The following PCED1B variants were observed in gnomAD, a reference collection of about 807,000 sequenced individuals.
PCED1B encodes PC-esterase domain containing 1B, also known as PC-esterase domain-containing protein 1B.
For missense variants in PCED1B, 573 were observed against 573.9 expected (o/e 1.00, Z 0.02); for synonymous variants, 251 against 246.1 (o/e 1.02, Z -0.19).
In PCED1B at chr12:47,146,998, C is replaced by CTTTTTTTTTTTT. The variant is rs59400736; in HGVS notation, c.-526+42812_-526+42823dup. Among the ~76,000 whole-genome samples, 5 of 99,000 alleles carry CTTTTTTTTTTTT rather than the reference C, an allele frequency of 5.1e-5. 1 individual carries two copies. The highest frequency in any genetic ancestry group is 9.6e-5 in the Non-Finnish European group (5 of 52,274). 64.9% of individuals were successfully genotyped at this position (99,000 alleles called of 152,430 possible). A position where few individuals can be genotyped will look rare whatever the true frequency, so the allele number is the denominator to read the frequency against. On this transcript the variant is annotated intron_variant, in intron 2 of 3. Transcript: ENST00000546455. The stretch of plus-strand genomic sequence containing the variant: ...TCTTTAGATATCCTAGTTCATTGCT[C>CTTTTTTTTTTTT]TTTTTTTTTTTTTTTTTTTTGAGAT...
intron 2 of PCED1B, among the ~76,000 whole-genome samples, chr12:47,206,752 C>A (rs11183797): frequency 7.0e-6 from 1 of 143,852 alleles, no homozygotes; most frequent in Non-Finnish European, 1.6e-5. Context: ...ACCCCGCCCC[C>A]GCAACAAAAA....
At chr12:47,218,165 G>A (rs776920994) in intron 3 of PCED1B, among the ~76,000 whole-genome samples, 3 of 152,198 alleles carry the variant, frequency 2.0e-5, no homozygotes, top group Non-Finnish European at 2.9e-5. Flanking sequence ...TTTGGAGCTG[G>A]AGGAGAAGAG....
At chr12:47,136,074 T>C (rs1419124972) in intron 2 of PCED1B, 1 of 124,366 alleles carries the variant, frequency 8.0e-6, no homozygotes, top group African/African-American at 3.1e-5. Context: ...TACTCACCAT[T>C]CAATTTCTTT....
intron 2 of PCED1B, among the ~76,000 whole-genome samples, chr12:47,211,665 A>AAG (rs1943085738): frequency 6.7e-6 from 1 of 150,124 alleles, no homozygotes; most frequent in South Asian, 2.1e-4. Flanking sequence ...AAAAAAAAAA[A>AAG]AAAAAAAAAA....
chr12:47,146,762 TTCA>T (rs1158990924), intron 2 of PCED1B, among the ~76,000 whole-genome samples: 2 of 152,212 alleles, frequency 1.3e-5, no homozygotes, highest in Non-Finnish European at 2.9e-5. Context: ...AACCCAAAAA[TTCA>T]TACGATTTAC....
intron 2 of PCED1B, among the ~76,000 whole-genome samples, chr12:47,131,674 T>C (rs1565767286): frequency 1.7e-5 from 2 of 115,558 alleles, no homozygotes; most frequent in South Asian, 5.1e-4. Context: ...GTTTTACTTC[T>C]TTTTTTTTTT....
At chr12:47,099,448 C>T (rs1049069871) in intron 1 of PCED1B, among the ~76,000 whole-genome samples, 4 of 152,290 alleles carry the variant, frequency 2.6e-5, no homozygotes, top group Admixed American at 2.6e-4. Context: ...GGGATCGTCT[C>T]CACTGTGGTT....
intron 2 of PCED1B, among the ~76,000 whole-genome samples, chr12:47,141,991 T>G (rs1940610840): frequency 6.6e-6 from 1 of 152,056 alleles, no homozygotes; most frequent in Non-Finnish European, 1.5e-5. Context: ...TTTTAGTCCC[T>G]CTCTTCTGCC....
chr12:47,221,875 G>A (rs1354882498), intron 3 of PCED1B, among the ~76,000 whole-genome samples: 1 of 152,026 alleles, frequency 6.6e-6, no homozygotes, highest in Admixed American at 6.6e-5. Flanking sequence ...GCCAAGGCAG[G>A]AGGTTTACTT....
At chr12:47,227,361 G>A (rs1943663924) in intron 3 of PCED1B, among the ~76,000 whole-genome samples, 1 of 151,762 alleles carries the variant, frequency 6.6e-6, no homozygotes, top group African/African-American at 2.4e-5. Flanking sequence ...TGTAGAGAGG[G>A]GGGCTTTCAG....
intron 2 of PCED1B, among the ~76,000 whole-genome samples, chr12:47,213,260 T>A (rs1943149172): frequency 6.6e-6 from 1 of 152,198 alleles, no homozygotes; most frequent in Admixed American, 6.5e-5. Flanking sequence ...CGTACCCTAA[T>A]AGAAACAAAT....
chr12:47,195,316 G>A (rs1014559931), intron 2 of PCED1B, among the ~76,000 whole-genome samples: 12 of 141,984 alleles, frequency 8.5e-5, no homozygotes, highest in Non-Finnish European at 1.4e-4. Flanking sequence ...GCGATGGAGC[G>A]AGTCTCTGTC....
At chr12:47,188,186 A>G (rs1339967446) in intron 2 of PCED1B, among the ~76,000 whole-genome samples, 3 of 152,082 alleles carry the variant, frequency 2.0e-5, no homozygotes, top group African/African-American at 4.8e-5. Context: ...ATCTTGCCTT[A>G]GTTGTCTTTG....
chr12:47,234,149 C>G (rs1943897893), intron 3 of PCED1B, among the ~76,000 whole-genome samples: 2 of 152,092 alleles, frequency 1.3e-5, no homozygotes, highest in Admixed American at 6.5e-5. Flanking sequence ...CCACCACGCC[C>G]GGCTAATTTT....
At chr12:47,083,908 C>G (rs1203677259) in intron 1 of PCED1B, among the ~76,000 whole-genome samples, 2 of 152,124 alleles carry the variant, frequency 1.3e-5, no homozygotes, top group East Asian at 3.8e-4. Flanking sequence ...ATAGGCCGGA[C>G]AGTTTTTTGT....
intron 2 of PCED1B, among the ~76,000 whole-genome samples, chr12:47,131,793 C>G (rs552205447): frequency 2.6e-5 from 4 of 151,702 alleles, no homozygotes; most frequent in Non-Finnish European, 4.4e-5. Flanking sequence ...CTCAGCCTCC[C>G]GAGTAGCTGG....
At chr12:47,202,594 T>TAAAAAAA (rs60769675) in intron 2 of PCED1B, among the ~76,000 whole-genome samples, 1,300 of 64,036 alleles carry the variant, frequency 0.02, no homozygotes, top group Non-Finnish European at 0.027. Flanking sequence ...TAGACATTAG[T>TAAAAAAA]AAAAAAAAAA....
intron 2 of PCED1B, among the ~76,000 whole-genome samples, chr12:47,113,410 AT>A (rs552117512): frequency 2.3e-4 from 35 of 152,118 alleles, no homozygotes; most frequent in Non-Finnish European, 4.0e-4. Flanking sequence ...ATGATGAGGC[AT>A]TTTTTACTCC....
chr12:47,097,775 T>C (rs1938540600), intron 1 of PCED1B, among the ~76,000 whole-genome samples: 2 of 152,328 alleles, frequency 1.3e-5, no homozygotes, highest in South Asian at 4.1e-4. Flanking sequence ...GCTACAGTTT[T>C]CGGATGAATG....
Sources: allele counts gnomAD v4.1 joint callset (sites outside exome capture counted in the v4.1 genomes callset), GRCh38; gene constraint gnomAD v4.1.1; transcripts MANE v1.5; gene names NCBI Gene and HGNC (gene_info 2026-07-23, HGNC 2026-07-21).